Variants in PIEZO2 observed in about 807,000 individuals in gnomAD.
PIEZO2 encodes piezo-type mechanosensitive ion channel component 2.
Under a neutral mutation model 337.3 loss-of-function variants are expected in PIEZO2, and 172 were observed. That is an observed-to-expected ratio of 0.51 (90% CI 0.45 to 0.58). PIEZO2 has a LOEUF of 0.58. PIEZO2 is among the 20% of genes least tolerant of loss of function. The probability of loss-of-function intolerance (pLI) is 0.00; values close to 1 mark genes in which losing one functional copy is unlikely to be tolerated. For missense variants in PIEZO2, 3,028 were observed against 3,391.3 expected (o/e 0.89, Z 2.66); for synonymous variants, 1,251 against 1,228.5 (o/e 1.02, Z -0.38).
chr18:10,809,310 C>T (rs185976467), intron 7 of PIEZO2, among the ~76,000 whole-genome samples: 3 of 127,272 alleles, frequency 2.4e-5, no homozygotes, highest in South Asian at 2.6e-4. Flanking sequence ...CTCACTCCGT[C>T]GCCAGGCTGG....
At chr18:10,864,038 A>C (rs767874440) in intron 5 of PIEZO2, among the ~76,000 whole-genome samples, 1 of 152,210 alleles carries the variant, frequency 6.6e-6, no homozygotes, top group Admixed American at 6.5e-5. Context: ...AGTGATGACA[A>C]AGGCAGCATT....
At chr18:11,012,708 T>C (rs72870620) in intron 2 of PIEZO2, among the ~76,000 whole-genome samples, 24,447 of 152,210 alleles carry the variant, frequency 0.16, 2,066 homozygotes, top group Admixed American at 0.22. Flanking sequence ...GATTTGACTT[T>C]ACATTGGCAC....
intron 36 of PIEZO2, among the ~76,000 whole-genome samples, chr18:10,720,901 T>C (rs1262439093): frequency 6.6e-6 from 1 of 152,206 alleles, no homozygotes; most frequent in Non-Finnish European, 1.5e-5. Flanking sequence ...TTTTTATGCA[T>C]GGGCTTGCTT....
intron 7 of PIEZO2, among the ~76,000 whole-genome samples, chr18:10,835,392 A>G (rs1434531659): frequency 6.6e-6 from 1 of 152,126 alleles, no homozygotes; most frequent in Non-Finnish European, 1.5e-5. Context: ...TACAAAACAG[A>G]TCTTTCTGTA....
chr18:10,773,367 G>T lies in PIEZO2; in HGVS notation c.2785+45C>A. Reference sequence around the variant, plus strand: ...AGTCAATGTTTCCTTCACTCAGTCTGACAGCCAGCGTTCTCTGACCAGCTG... The same window carrying T: ...AGTCAATGTTTCCTTCACTCAGTCTTACAGCCAGCGTTCTCTGACCAGCTG... On this transcript the variant is annotated intron_variant, in intron 20 of 55. Coordinates refer to ENST00000674853, the MANE Select transcript of PIEZO2 (RefSeq NM_001378183.1). The surrounding 1 kb of genome is among the most constrained non-coding windows in gnomAD (Gnocchi z 5.3). The T allele has an allele frequency of 6.6e-7, 1 of 1,505,866 alleles. No individual in the cohort carries two copies. Among genetic ancestry groups the T allele is most frequent in the South Asian group, 1.2e-5 (1 of 83,398 alleles). The allele number at this position is 1,505,866 out of a possible 1,614,324, so 93.3% of individuals were successfully genotyped here. A position where few individuals can be genotyped will look rare whatever the true frequency, so the allele number is the denominator to read the frequency against.
intron 2 of PIEZO2, among the ~76,000 whole-genome samples, chr18:11,065,075 G>C (rs753201995): frequency 2.6e-5 from 4 of 152,148 alleles, no homozygotes; most frequent in Non-Finnish European, 5.9e-5. Flanking sequence ...CTGTTATTTA[G>C]AGACAGGAAA....
chr18:10,910,282 T>A (rs865927935), intron 4 of PIEZO2, among the ~76,000 whole-genome samples: 1 of 152,152 alleles, frequency 6.6e-6, no homozygotes, highest in African/African-American at 2.4e-5. Flanking sequence ...AGGTAGGTGG[T>A]TTAGAAACTG....
chr18:10,747,628 C>T (rs1265692416), intron 30 of PIEZO2, among the ~76,000 whole-genome samples: 4 of 152,152 alleles, frequency 2.6e-5, no homozygotes, highest in African/African-American at 7.2e-5. Context: ...TGCAGGTCCC[C>T]GACTAGGGCC....
At chr18:10,756,319 G>GAGGA (rs2037844417) in intron 27 of PIEZO2, among the ~76,000 whole-genome samples, 2 of 150,814 alleles carry the variant, frequency 1.3e-5, no homozygotes, top group African/African-American at 4.9e-5. Context: ...GGAGGATGAA[G>GAGGA]AGGAAGGATG....
At chr18:10,714,119 G>A (rs1325190748) in intron 39 of PIEZO2, among the ~76,000 whole-genome samples, 1 of 152,116 alleles carries the variant, frequency 6.6e-6, no homozygotes, top group South Asian at 2.1e-4. Context: ...TAATCTCCCT[G>A]TAACCGAATT....
chr18:11,024,316 C>T (rs1040016753), intron 2 of PIEZO2, among the ~76,000 whole-genome samples: 5 of 151,970 alleles, frequency 3.3e-5, no homozygotes, highest in African/African-American at 7.2e-5. Context: ...GAGGCCGAGG[C>T]GAGCAGATCA....
intron 3 of PIEZO2, among the ~76,000 whole-genome samples, chr18:10,927,414 G>A (rs936482030): frequency 1.7e-4 from 26 of 152,138 alleles, no homozygotes; most frequent in African/African-American, 6.3e-4. Flanking sequence ...GGCCGTGGGT[G>A]GGGGACGCCT....
chr18:10,770,461 T>C (rs144294989), intron 20 of PIEZO2, among the ~76,000 whole-genome samples, 153 bp from the exon 21 acceptor site: 8 of 152,332 alleles, frequency 5.3e-5, no homozygotes, highest in Admixed American at 2.0e-4. Flanking sequence ...AAGGATGATG[T>C]AAGAATCCCA....
At chr18:10,889,949 A>T (rs1263046030) in intron 4 of PIEZO2, among the ~76,000 whole-genome samples, 1 of 152,194 alleles carries the variant, frequency 6.6e-6, no homozygotes, top group Admixed American at 6.5e-5. Context: ...GTTAGTCACC[A>T]TGTCTCTGTC....
At chr18:11,141,754 C>G (rs2040654985) in intron 1 of PIEZO2, among the ~76,000 whole-genome samples, 1 of 152,150 alleles carries the variant, frequency 6.6e-6, no homozygotes, top group African/African-American at 2.4e-5. Flanking sequence ...CAAGTTGAAT[C>G]TGAAGTGGGG....
chr18:10,967,011 G>GTTTTTTTTTTT (rs1368023375), intron 3 of PIEZO2, among the ~76,000 whole-genome samples: 2 of 109,392 alleles, frequency 1.8e-5, no homozygotes, highest in African/African-American at 3.6e-5. Context: ...CATTTTCTCT[G>GTTTTTTTTTTT]TTTTTTGTTT....
At chr18:10,780,749 G>A (rs559519864) in intron 17 of PIEZO2, among the ~76,000 whole-genome samples, 123 of 142,544 alleles carry the variant, frequency 8.6e-4, no homozygotes, top group African/African-American at 3.0e-3. Context: ...GGCAGCCTCC[G>A]CCTCCTGGGT....
chr18:11,017,395 A>G (rs1235838491), intron 2 of PIEZO2, among the ~76,000 whole-genome samples: 1 of 152,098 alleles, frequency 6.6e-6, no homozygotes, highest in African/African-American at 2.4e-5. Flanking sequence ...AATAACCACA[A>G]ATGACTTGCA....
chr18:10,967,900 C>T (rs1294413279), intron 3 of PIEZO2, among the ~76,000 whole-genome samples: 1 of 152,002 alleles, frequency 6.6e-6, no homozygotes, highest in Non-Finnish European at 1.5e-5. Flanking sequence ...TGTCTGTTTA[C>T]TCTGCTGATT....
Sources: allele counts gnomAD v4.1 joint callset (sites outside exome capture counted in the v4.1 genomes callset), GRCh38; gene constraint gnomAD v4.1.1; non-coding constraint Gnocchi (gnomAD v3.1); transcripts MANE v1.5; gene names NCBI Gene and HGNC (gene_info 2026-07-23, HGNC 2026-07-21).